The following ZC3H3 variants were observed in gnomAD, a reference collection of about 807,000 sequenced individuals.
The protein encoded by ZC3H3 is zinc finger CCCH domain-containing protein 3.
Under a neutral mutation model 77.3 loss-of-function variants are expected in ZC3H3, and 36 were observed. The ratio of observed to expected loss-of-function variants is 0.47; its 90% CI spans 0.36 to 0.61. The LOEUF (loss-of-function observed/expected upper bound fraction) is 0.61. Ranked by LOEUF, ZC3H3 falls within the 20% of genes least tolerant of loss-of-function variation. The probability of loss-of-function intolerance (pLI) is 0.00; values close to 1 mark genes in which losing one functional copy is unlikely to be tolerated. For missense variants in ZC3H3, 1,331 were observed against 1,312.2 expected (o/e 1.01, Z -0.22); for synonymous variants, 626 against 555.2 (o/e 1.13, Z -1.79).
intron 8 of ZC3H3, 93 bp from the exon 9 acceptor site, chr8:143,465,941 A>G: frequency 6.8e-7 from 1 of 1,478,810 alleles, no homozygotes; most frequent in Non-Finnish European, 9.0e-7. Context: ...CCCGCCCGAG[A>G]GAGAAATGGA....
intron 1 of ZC3H3, among the ~76,000 whole-genome samples, chr8:143,540,877 A>T (rs1482171453): frequency 1.3e-5 from 2 of 151,800 alleles, no homozygotes; most frequent in African/African-American, 4.8e-5. Context: ...AATCACTCGA[A>T]CCCAGGATGA....
At chr8:143,445,209 C>G (rs1174460117) in intron 9 of ZC3H3, among the ~76,000 whole-genome samples, 2 of 152,108 alleles carry the variant, frequency 1.3e-5, no homozygotes, top group East Asian at 3.9e-4. Flanking sequence ...TGGAGAAACC[C>G]TGTCTCTACT....
chr8:143,518,523 T>G (rs1437458726), intron 3 of ZC3H3, among the ~76,000 whole-genome samples: 1 of 152,250 alleles, frequency 6.6e-6, no homozygotes, highest in Non-Finnish European at 1.5e-5. Flanking sequence ...AACCGCAGGC[T>G]GCCAGGACTC....
intron 9 of ZC3H3, among the ~76,000 whole-genome samples, chr8:143,455,978 CAAAAAAAA>C (rs58754874): frequency 2.4e-5 from 1 of 40,918 alleles, no homozygotes; most frequent in Admixed American, 2.9e-4. Context: ...GACTCTGTCT[CAAAAAAAA>C]AAAAAAAAAA....
At chr8:143,459,684 C>T (rs1256588673) in intron 9 of ZC3H3, among the ~76,000 whole-genome samples, 1 of 151,948 alleles carries the variant, frequency 6.6e-6, no homozygotes, top group Non-Finnish European at 1.5e-5. Context: ...GAGCTGACCA[C>T]CTTAATAGAA....
At chr8:143,488,490 C>A (rs1223998361) in intron 4 of ZC3H3, among the ~76,000 whole-genome samples, 1 of 149,956 alleles carries the variant, frequency 6.7e-6, no homozygotes, top group Non-Finnish European at 1.5e-5. Context: ...CACAGAACAG[C>A]ACCCGCTACA....
At chr8:143,496,475 C>T (rs944534110) in intron 4 of ZC3H3, among the ~76,000 whole-genome samples, 6 of 152,330 alleles carry the variant, frequency 3.9e-5, no homozygotes, top group African/African-American at 1.2e-4. Flanking sequence ...CGGCTTCCAC[C>T]AGCCAAGGCT....
intron 5 of ZC3H3, among the ~76,000 whole-genome samples, 195 bp from the exon 6 acceptor site, chr8:143,468,854 G>A (rs991194571): frequency 2.0e-5 from 3 of 152,192 alleles, no homozygotes; most frequent in Admixed American, 6.5e-5. Flanking sequence ...CCCCTCTGGG[G>A]ACACAGCACC....
chr8:143,533,878 G>A lies in ZC3H3; in HGVS notation c.1561+2379C>T, dbSNP rs994298370. Among the ~76,000 whole-genome samples the A allele has an allele frequency of 6.6e-6, 1 of 152,060 alleles. No individual in the cohort carries two copies. Among genetic ancestry groups the A allele is most frequent in the African/African-American group, 2.4e-5 (1 of 41,448 alleles). On this transcript the variant is annotated intron_variant, in intron 3 of 11. Coordinates refer to ENST00000262577, the MANE Select transcript of ZC3H3 (RefSeq NM_015117.3). This position sits in a 1 kb window ranked among gnomAD's most constrained non-coding sequence, Gnocchi z 4.0. ...TTTAGTAGAGACGGGGTTTTGCCAT[G>A]TTGCCAAGGCTGGTCTTGAACTCCT...
chr8:143,477,174 G>T, intron 4 of ZC3H3, among the ~76,000 whole-genome samples: 1 of 152,250 alleles, frequency 6.6e-6, no homozygotes, highest in Admixed American at 6.5e-5. Context: ...GCCTCCAAGG[G>T]CCCATTAGAG....
chr8:143,519,558 C>T (rs1156460923), intron 3 of ZC3H3, among the ~76,000 whole-genome samples: 1 of 152,204 alleles, frequency 6.6e-6, no homozygotes, highest in Non-Finnish European at 1.5e-5. Flanking sequence ...GGAGGCAAGC[C>T]CCAAGCGGCA....
At chr8:143,491,394 G>A (rs1431426965) in intron 4 of ZC3H3, among the ~76,000 whole-genome samples, 1 of 152,236 alleles carries the variant, frequency 6.6e-6, no homozygotes, top group Non-Finnish European at 1.5e-5. Context: ...ATCTCACCAG[G>A]GAGCTCCTGC....
In ZC3H3 at chr8:143,536,370, C is replaced by G. The variant is rs777675612; in HGVS notation, c.1448G>C (p.Arg483Thr). The G allele has an allele frequency of 4.4e-6, 7 of 1,596,600 alleles. No homozygotes were observed. Among genetic ancestry groups the G allele is most frequent in the Non-Finnish European group, 6.0e-6 (7 of 1,171,406 alleles). The change falls in exon 3 of 12, where the codon AGG (arginine) becomes ACG (threonine). Residue 483 changes from arginine (R) to threonine (T), a missense_variant. By Grantham distance (71) the Arg-to-Thr change is moderately conservative. Coordinates refer to ENST00000262577, the MANE Select transcript of ZC3H3 (RefSeq NM_015117.3). ...CTTCAGGACAGGGCTGCTCTTCCCCCTGAGGGCCTGTCTCCGCCGGAGGCT... is the reference window on the plus strand; with the variant it reads ...CTTCAGGACAGGGCTGCTCTTCCCCGTGAGGGCCTGTCTCCGCCGGAGGCT... ...HLSLRRRQAL[R>T]GKSSPVLKKT...
At chr8:143,509,077 G>A (rs1024326572) in intron 3 of ZC3H3, among the ~76,000 whole-genome samples, 1 of 152,030 alleles carries the variant, frequency 6.6e-6, no homozygotes, top group African/African-American at 2.4e-5. Flanking sequence ...CCCTCCCTCA[G>A]GCGTTCCCCC....
At chr8:143,475,299 A>G (rs1820700787) in intron 5 of ZC3H3, 99 bp downstream of exon 5, 2 of 1,389,718 alleles carry the variant, frequency 1.4e-6, no homozygotes, top group African/African-American at 2.9e-5. Flanking sequence ...GGCCCAGAGC[A>G]GCCACAGCAT....
At chr8:143,482,010 T>C (rs1820921506) in intron 4 of ZC3H3, among the ~76,000 whole-genome samples, 1 of 152,212 alleles carries the variant, frequency 6.6e-6, no homozygotes, top group Admixed American at 6.5e-5. Context: ...GCCAGTTGGT[T>C]TGAAAGCTGC....
intron 4 of ZC3H3, among the ~76,000 whole-genome samples, chr8:143,502,525 A>G (rs1293652812): frequency 6.6e-6 from 1 of 152,260 alleles, no homozygotes; most frequent in Non-Finnish European, 1.5e-5. Flanking sequence ...AAAATAAAAT[A>G]AAATAAGGCA....
At chr8:143,502,405 CTT>C (rs1280154299) in intron 4 of ZC3H3, among the ~76,000 whole-genome samples, 1 of 152,240 alleles carries the variant, frequency 6.6e-6, no homozygotes, top group African/African-American at 2.4e-5. Context: ...CTGAATTCCT[CTT>C]TAATGAGACG....
intron 9 of ZC3H3, 28 bp downstream of exon 9, chr8:143,465,688 GC>G (rs1416649575): frequency 6.2e-7 from 1 of 1,611,112 alleles, no homozygotes; most frequent in East Asian, 2.2e-5. Context: ...CAGGAACCCC[GC>G]CCACTCGGGC....
Sources: gnomAD v4.1 joint callset for allele counts (sites outside exome capture counted in the v4.1 genomes callset) on GRCh38, gnomAD v4.1.1 for gene constraint, Gnocchi (gnomAD v3.1) non-coding constraint, MANE v1.5 for transcripts, NCBI Gene and HGNC (gene_info 2026-07-23, HGNC 2026-07-21) for gene names.